Variants in TEX55 observed in about 807,000 individuals in gnomAD.
TEX55 encodes testis-specific expressed protein 55.
TEX55 carries 31 observed loss-of-function variants against 44.6 expected under a neutral mutation model. That is an observed-to-expected ratio of 0.69 (90% confidence interval 0.52 to 0.94). The LOEUF (loss-of-function observed/expected upper bound fraction) is 0.94. TEX55 is among the 40% of genes least tolerant of loss of function. TEX55 has a pLI of 0.00. For missense variants in TEX55, 639 were observed against 638.4 expected (o/e 1.00, Z -0.01); for synonymous variants, 230 against 230.9 (o/e 1.00, Z 0.04).
chr3:119,147,242 C>T lies in TEX55; in HGVS notation c.1053C>T (p.Asp351=). 1 of 1,614,172 alleles carries T rather than the reference C, an allele frequency of 6.2e-7. No homozygotes were observed. The highest frequency in any genetic ancestry group is 8.5e-7 in the Non-Finnish European group (1 of 1,180,038). ...CTGACCAGACTGACCACTTAGCAGACAGACAAGCTAATCATAAAGACCAGC... is the reference window on the plus strand; with the variant it reads ...CTGACCAGACTGACCACTTAGCAGATAGACAAGCTAATCATAAAGACCAGC... ...TESDQTDHLA[D]RQANHKDQLS... Residue 351 remains aspartate, a synonymous_variant, in exon 1 of 3, where the codon GAC becomes GAT. Transcript: ENST00000295622.
rs1236913537 is a variant in TEX55, at chr3:119,146,830, T to C, written c.641T>C (p.Leu214Ser). 6.2e-7 allele frequency: 1 copy of C among 1,614,076 alleles called. No individual in the cohort carries two copies. Among genetic ancestry groups the C allele is most frequent in the Non-Finnish European group, 8.5e-7 (1 of 1,180,038 alleles). ...RRTSEQITHR[L>S]SKLSERRPSV... ...ACTTCTGAGCAGATTACACACAGATTATCCAAACTATCTGAGAGAAGACCT... is the reference window on the plus strand; with the variant it reads ...ACTTCTGAGCAGATTACACACAGATCATCCAAACTATCTGAGAGAAGACCT... Residue 214 changes from leucine to serine, a missense_variant, in exon 1 of 3, where the codon TTA becomes TCA. By Grantham distance (145) the Leu-to-Ser change is moderately radical. Coordinates refer to ENST00000295622, the MANE Select transcript of TEX55 (RefSeq NM_152539.3).
At chr3:119,148,761 C>A (rs2077754235) in intron 2 of TEX55, among the ~76,000 whole-genome samples, 1 of 152,234 alleles carries the variant, frequency 6.6e-6, no homozygotes, top group African/African-American at 2.4e-5. Flanking sequence ...GCCTACCACA[C>A]ACTTAGGCTA....
chr3:119,148,372 A>G (rs1165187782), intron 2 of TEX55, 49 bp downstream of exon 2: 1 of 1,541,126 alleles, frequency 6.5e-7, no homozygotes. Context: ...CAAGAGGTAC[A>G]AGAAAGAGTG....
chr3:119,150,247 T>A (rs1186587853), intron 2 of TEX55, among the ~76,000 whole-genome samples: 2 of 152,168 alleles, frequency 1.3e-5, no homozygotes, highest in African/African-American at 4.8e-5. Flanking sequence ...AAAGAACTAC[T>A]AATTATTAAA....
Position 119,151,397 on chromosome 3 carries a change from A to G in TEX55, c.*105A>G, listed in dbSNP as rs546728974. On this transcript the variant is annotated 3_prime_UTR_variant, in exon 3 of 3. Coordinates refer to ENST00000295622, the MANE Select transcript of TEX55 (RefSeq NM_152539.3). ...TACGTACAACTCTGAATTCTTATGAAGTAAACATACCTGTAACTACCATTC... is the reference window on the plus strand; with the variant it reads ...TACGTACAACTCTGAATTCTTATGAGGTAAACATACCTGTAACTACCATTC... 1.9e-4 allele frequency: 169 copies of G among 902,102 alleles called. 1 individual carries two copies. Among genetic ancestry groups the G allele is most frequent in the Non-Finnish European group, 2.7e-4 (155 of 583,956 alleles). The allele number at this position is 902,102 out of a possible 1,614,324, so 55.9% of individuals were successfully genotyped here.
intron 2 of TEX55, among the ~76,000 whole-genome samples, chr3:119,148,728 C>G (rs2077753922): frequency 6.6e-6 from 1 of 152,188 alleles, no homozygotes; most frequent in African/African-American, 2.4e-5. Flanking sequence ...CATCAGTGTA[C>G]TTACACAAAT....
chr3:119,148,115 T>C (rs1394569481), intron 1 of TEX55, 65 bp from the exon 2 acceptor site: 4 of 1,397,010 alleles, frequency 2.9e-6, no homozygotes, highest in African/African-American at 1.4e-5. Context: ...GTTTCACTGA[T>C]AATGACAATT....
In TEX55 at chr3:119,146,421, C is replaced by A; in HGVS notation, c.232C>A (p.Gln78Lys). Residue 78 changes from glutamine to lysine, a missense_variant, in exon 1 of 3, where the codon CAA (glutamine) becomes AAA (lysine). Gln to Lys is a moderately conservative substitution (Grantham distance 53). Coordinates refer to ENST00000295622, the MANE Select transcript of TEX55 (RefSeq NM_152539.3). ...FSQATNGVAE[Q>K]NGHSTPGQAG... ...CCAAGCTACCAACGGAGTAGCTGAA[C>A]AAAATGGGCATAGTACACCTGGTCA... 1 of 1,614,188 alleles carries A rather than the reference C, an allele frequency of 6.2e-7. No homozygotes were observed. Among genetic ancestry groups the A allele is most frequent in the Non-Finnish European group, 8.5e-7 (1 of 1,180,038 alleles).
intron 2 of TEX55, among the ~76,000 whole-genome samples, chr3:119,149,888 C>T (rs1576853005): frequency 6.6e-6 from 1 of 152,144 alleles, no homozygotes; most frequent in African/African-American, 2.4e-5. Context: ...AATTACAAAT[C>T]TCATTGACCT....
rs1437427325 is a variant in TEX55 at position 119,146,213 on chromosome 3, TCTGG to T, written c.28_31del (p.Ala10AsnfsTer3). The T allele has an allele frequency of 1.9e-6, 3 of 1,610,546 alleles. No homozygotes were observed. In the Admixed American group the frequency reaches 5.1e-5, roughly 27 times the overall value. On this transcript the variant is annotated frameshift_variant, in exon 1 of 3. Coordinates refer to ENST00000295622, the MANE Select transcript of TEX55 (RefSeq NM_152539.3). LOFTEE classifies it high-confidence loss of function. Reference sequence around the variant, plus strand: ...AAATGGAAGAGCCTCCGCAAGAGGCTCTGGCTGAACCCTTGAAACATGAAAGCCC... The same window carrying T: ...AAATGGAAGAGCCTCCGCAAGAGGCTCTGAACCCTTGAAACATGAAAGCCC...
rs751031678 is a variant in TEX55 at position 119,146,231 on chromosome 3, A to G, written c.42A>G (p.Lys14=). Residue 14 remains lysine (K), a synonymous_variant, in exon 1 of 3, where the codon AAA becomes AAG. Coordinates refer to ENST00000295622, the MANE Select transcript of TEX55 (RefSeq NM_152539.3). ...AAGAGGCTCTGGCTGAACCCTTGAA[A>G]CATGAAAGCCCAGCCGCTCCCTCAA... ...PPQEALAEPL[K]HESPAAPSSA... is the part of the protein sequence containing the mutation. 15 of 1,613,480 alleles carry G rather than the reference A, an allele frequency of 9.3e-6. No individual in the cohort carries two copies. The South Asian group carries it at 1.5e-4, about 17-fold the overall frequency.
intron 1 of TEX55, 149 bp from the exon 2 acceptor site, chr3:119,148,030 TG>T: frequency 1.4e-6 from 1 of 736,490 alleles, no homozygotes; most frequent in Non-Finnish European, 2.3e-6. Flanking sequence ...CCTGGAGACC[TG>T]GAGGATTATC....
Position 119,146,409 on chromosome 3 carries a change from G to T in TEX55, c.220G>T (p.Gly74Ter). Residue 74 changes from glycine to a stop codon, truncating the protein, a stop_gained, in exon 1 of 3, where the codon GGA (glycine) becomes TGA (stop). Transcript: ENST00000295622. LOFTEE classifies it high-confidence loss of function. ...CAGCATATTTAGCCAAGCTACCAAC[G>T]GAGTAGCTGAACAAAATGGGCATAG... The part of the protein sequence containing the change: ...ESSIFSQATN[G>*]VAEQNGHSTP... 1 of 1,614,184 alleles carries T rather than the reference G, an allele frequency of 6.2e-7. No homozygotes were observed. Among genetic ancestry groups the T allele is most frequent in the Non-Finnish European group, 8.5e-7 (1 of 1,180,034 alleles).
At chr3:119,148,761 C>T (rs2077754235) in intron 2 of TEX55, among the ~76,000 whole-genome samples, 1 of 152,234 alleles carries the variant, frequency 6.6e-6, no homozygotes, top group Non-Finnish European at 1.5e-5. Flanking sequence ...GCCTACCACA[C>T]ACTTAGGCTA....
Position 119,146,779 on chromosome 3 carries a change from G to C in TEX55, c.590G>C (p.Arg197Thr), listed in dbSNP as rs190788667. The C allele has an allele frequency of 1.2e-6, 2 of 1,614,092 alleles. No individual in the cohort carries two copies. The highest frequency in any genetic ancestry group is 3.3e-5 in the Admixed American group (2 of 60,028). ...AGAGCTTCCGAGCAGATGGACCGCA[G>C]AATGTCTGGCGAGGCTGAGCGAAGA... is the stretch of plus-strand genomic sequence containing the variant. ...ERRASEQMDRRMSGEAERRTS... is the reference protein window; with the variant it reads ...ERRASEQMDRTMSGEAERRTS... The change falls in exon 1 of 3, where the codon AGA becomes ACA. Residue 197 changes from arginine to threonine, a missense_variant. Physicochemically the swap from Arg to Thr is moderately conservative, Grantham distance 71 (BLOSUM62 -1). Coordinates refer to ENST00000295622, the MANE Select transcript of TEX55 (RefSeq NM_152539.3).
Position 119,151,261 on chromosome 3 carries a change from AC to A in TEX55, c.1585del (p.Leu529Ter), listed in dbSNP as rs865906615. The A allele has an allele frequency of 1.2e-6, 2 of 1,613,138 alleles. No individual in the cohort carries two copies. Among genetic ancestry groups the A allele is most frequent in the South Asian group, 1.1e-5 (1 of 91,034 alleles). ...TENLVYEKPE[D>X]PLNFMLCQV Reference sequence around the variant, plus strand: ...AACTTAGTCTATGAAAAGCCAGAGGACCCCCTGAATTTTATGCTGTGCCAGG... The same window carrying A: ...AACTTAGTCTATGAAAAGCCAGAGGACCCCTGAATTTTATGCTGTGCCAGG... On this transcript the variant is annotated frameshift_variant, in exon 3 of 3. Coordinates refer to ENST00000295622, the MANE Select transcript of TEX55 (RefSeq NM_152539.3). LOFTEE classifies it high-confidence loss of function.
Position 119,146,503 on chromosome 3 carries a change from A to G in TEX55, c.314A>G (p.Gln105Arg). ...GTTTCTGACCTTAGAGCAGATGATC[A>G]GGTTAATCAAACACCGTCTGAACAG... ...ADVSDLRADD[Q>R]VNQTPSEQTK... The change falls in exon 1 of 3, where the codon CAG becomes CGG. Residue 105 changes from glutamine (Q) to arginine (R), a missense_variant. Transcript: ENST00000295622. 2 of 1,614,060 alleles carry G rather than the reference A, an allele frequency of 1.2e-6. No homozygotes were observed. Among genetic ancestry groups the G allele is most frequent in the African/African-American group, 1.3e-5 (1 of 75,076 alleles).
In TEX55 at chr3:119,151,328, A is replaced by G. The variant is rs1387097415; in HGVS notation, c.*36A>G. The G allele has an allele frequency of 1.3e-6, 2 of 1,578,782 alleles. No individual in the cohort carries two copies. Among genetic ancestry groups the G allele is most frequent in the African/African-American group, 2.7e-5 (2 of 74,126 alleles). Reference sequence around the variant, plus strand: ...AAAGAACAACCTTTTTATTCTCTTTATTGTAAAATACAGCACACATACAGC... The same window carrying G: ...AAAGAACAACCTTTTTATTCTCTTTGTTGTAAAATACAGCACACATACAGC... On this transcript the variant is annotated 3_prime_UTR_variant, in exon 3 of 3. Transcript: ENST00000295622.
At position 119,147,960 on chromosome 3, in the gene TEX55, C is replaced by T. The variant is rs182584644; in HGVS notation, c.1399-220C>T. 1.8e-3 allele frequency among the ~76,000 whole-genome samples: 269 copies of T among 152,260 alleles called. No homozygotes were observed. In the Middle Eastern group the frequency reaches 0.02, roughly 12 times the overall value. ...AGACATCCCTGTGAAGGAAAAAGTA[C>T]TTGAAGTTGATTGGCAATGCCTAAG... On this transcript the variant is annotated intron_variant, in intron 1 of 2. Transcript: ENST00000295622.
Sources: gnomAD v4.1 joint callset for allele counts (sites outside exome capture counted in the v4.1 genomes callset) on GRCh38, gnomAD v4.1.1 for gene constraint, MANE v1.5 for transcripts, NCBI Gene and HGNC (gene_info 2026-07-23, HGNC 2026-07-21) for gene names.